The following INPP5A variants were observed in gnomAD, a reference collection of about 807,000 sequenced individuals.
INPP5A encodes 43 kDa inositol polyphosphate 5-phophatase.
In INPP5A, 14 loss-of-function variants were observed where a neutral mutation model predicts 65.2. The ratio of observed to expected loss-of-function variants is 0.21; its 90% CI spans 0.14 to 0.34. The LOEUF (loss-of-function observed/expected upper bound fraction) is 0.34. Among genes scored for constraint, INPP5A ranks in the 10% least tolerant of loss-of-function variants. The pLI, the probability that INPP5A is intolerant of heterozygous loss-of-function variation, is 1.00. For synonymous variants in INPP5A, 207 were observed against 208.3 expected (o/e 0.99, Z 0.05); for missense variants, 431 against 545.6 (o/e 0.79, Z 2.09).
intron 5 of INPP5A, among the ~76,000 whole-genome samples, chr10:132,695,058 C>T (rs1187508371): frequency 1.3e-5 from 2 of 152,050 alleles, no homozygotes; most frequent in African/African-American, 4.8e-5. Context: ...TACCCTAATA[C>T]TAAAACCAGA....
In INPP5A at chr10:132,546,226, C is replaced by T. The variant is rs1052693710; in HGVS notation, c.75+8055C>T. Among the ~76,000 whole-genome samples the T allele has an allele frequency of 2.0e-5, 3 of 152,232 alleles. No homozygotes were observed. The highest frequency in any genetic ancestry group is 6.5e-5 in the Admixed American group (1 of 15,290). The stretch of plus-strand genomic sequence containing the variant: ...GGGGCAGGTCTAGGGTGATGGCGCT[C>T]CCAGCCCGCGGGGGTCTTGGCGTTG... On this transcript the variant is annotated intron_variant, in intron 1 of 15. Transcript: ENST00000368594. This position sits in a 1 kb window ranked among gnomAD's most constrained non-coding sequence, Gnocchi z 5.7.
chr10:132,541,960 A>T (rs1040322966), intron 1 of INPP5A, among the ~76,000 whole-genome samples: 5 of 152,232 alleles, frequency 3.3e-5, no homozygotes, highest in Non-Finnish European at 5.9e-5. Context: ...GTTTGCTTGG[A>T]AAGAGGTGAC....
intron 11 of INPP5A, among the ~76,000 whole-genome samples, chr10:132,755,600 G>A (rs1386752220): frequency 4.0e-5 from 6 of 151,384 alleles, no homozygotes. Context: ...GCAGGCATAT[G>A]CATATGAGTG....
At chr10:132,759,341 G>A (rs770868237) in intron 11 of INPP5A, among the ~76,000 whole-genome samples, 4 of 151,580 alleles carry the variant, frequency 2.6e-5, no homozygotes, top group African/African-American at 4.8e-5. Context: ...GAGGAGGGTC[G>A]GGGATCTTAT....
At chr10:132,540,480 C>G (rs555059212) in intron 1 of INPP5A, among the ~76,000 whole-genome samples, 1 of 152,148 alleles carries the variant, frequency 6.6e-6, no homozygotes, top group African/African-American at 2.4e-5. Flanking sequence ...CTTATCTGTC[C>G]GTGTCTGAAG....
Position 132,712,371 on chromosome 10 carries a change from ATG to A in INPP5A, c.647+1922_647+1923del, listed in dbSNP as rs778539058. Among the ~76,000 whole-genome samples, 14 of 151,520 alleles carry A rather than the reference ATG, an allele frequency of 9.2e-5. No homozygotes were observed. In the South Asian group the frequency reaches 1.3e-3, roughly 14 times the overall value. ...TCTGCGTGTGTGTGTTCGTGTGTGC[ATG>A]TGTGTGGATGCTTGTGTGTGCATGT... is the stretch of plus-strand genomic sequence containing the variant. On this transcript the variant is annotated intron_variant, in intron 8 of 15. Coordinates refer to ENST00000368594, the MANE Select transcript of INPP5A (RefSeq NM_005539.5).
At chr10:132,699,862 C>T (rs916122993) in intron 6 of INPP5A, among the ~76,000 whole-genome samples, 3 of 152,286 alleles carry the variant, frequency 2.0e-5, no homozygotes, top group South Asian at 2.1e-4. Flanking sequence ...ACCCAGCAAG[C>T]GGGGAGCTGA....
At chr10:132,774,420 C>G (rs953650926) in intron 12 of INPP5A, among the ~76,000 whole-genome samples, 1 of 152,142 alleles carries the variant, frequency 6.6e-6, no homozygotes, top group Non-Finnish European at 1.5e-5. Context: ...ACCCTGACGC[C>G]CACCTGGAGA....
Position 132,555,963 on chromosome 10 carries a change from T to A in INPP5A, c.75+17792T>A, listed in dbSNP as rs1424292869. Among the ~76,000 whole-genome samples, 4 of 151,874 alleles carry A rather than the reference T, an allele frequency of 2.6e-5. No individual in the cohort carries two copies. The highest frequency in any genetic ancestry group is 5.9e-5 in the Non-Finnish European group (4 of 67,974). ...TTGGCTCAGCGCTTGGTGCTTTTGA[T>A]GGAGAAAATTCAGTTCCAGACTTGG... is the stretch of plus-strand genomic sequence containing the variant. On this transcript the variant is annotated intron_variant, in intron 1 of 15. Coordinates refer to ENST00000368594, the MANE Select transcript of INPP5A (RefSeq NM_005539.5). The surrounding 1 kb of genome is among the most constrained non-coding windows in gnomAD (Gnocchi z 4.4).
chr10:132,560,223 G>A (rs556365463), intron 1 of INPP5A, among the ~76,000 whole-genome samples: 67 of 152,084 alleles, frequency 4.4e-4, no homozygotes, highest in Middle Eastern at 6.8e-3. Flanking sequence ...CAGCTGTCTC[G>A]GGTGTAGACC....
intron 4 of INPP5A, among the ~76,000 whole-genome samples, chr10:132,661,162 T>C (rs887399123): frequency 2.0e-5 from 3 of 152,172 alleles, no homozygotes; most frequent in Non-Finnish European, 4.4e-5. Flanking sequence ...GTGATATGGT[T>C]TCAAAAACAC....
chr10:132,781,167 C>G (rs7084234), intron 14 of INPP5A, among the ~76,000 whole-genome samples: 141 of 152,274 alleles, frequency 9.3e-4, no homozygotes, highest in African/African-American at 3.3e-3. Flanking sequence ...GCAGAAATGA[C>G]GTTACAATAG....
intron 1 of INPP5A, among the ~76,000 whole-genome samples, chr10:132,601,934 C>A (rs1174219295): frequency 6.6e-6 from 1 of 152,142 alleles, no homozygotes; most frequent in Non-Finnish European, 1.5e-5. Context: ...TTTTTTAAGG[C>A]TATTTTTGGC....
chr10:132,751,134 A>G (rs143318356), intron 11 of INPP5A, among the ~76,000 whole-genome samples: 154 of 151,810 alleles, frequency 1.0e-3, no homozygotes, highest in African/African-American at 3.5e-3. Flanking sequence ...CGGCCCCCAG[A>G]CCCCACGCTC....
At chr10:132,686,010 C>T (rs540168101) in intron 4 of INPP5A, among the ~76,000 whole-genome samples, 5 of 152,342 alleles carry the variant, frequency 3.3e-5, no homozygotes, top group African/African-American at 1.2e-4. Flanking sequence ...ACGCAGGGTT[C>T]GTTGCGCCCT....
intron 8 of INPP5A, among the ~76,000 whole-genome samples, chr10:132,714,115 A>C (rs1207844980): frequency 6.6e-6 from 1 of 152,176 alleles, no homozygotes; most frequent in Non-Finnish European, 1.5e-5. Context: ...TTAGGTTGTC[A>C]GCATGGCATG....
At chr10:132,590,055 A>C (rs1172385696) in intron 1 of INPP5A, among the ~76,000 whole-genome samples, 1 of 152,250 alleles carries the variant, frequency 6.6e-6, no homozygotes, top group African/African-American at 2.4e-5. Flanking sequence ...CGGCTGGAAA[A>C]GGACACGGTC....
chr10:132,755,843 G>A (rs1241137186), intron 11 of INPP5A, among the ~76,000 whole-genome samples: 2 of 152,162 alleles, frequency 1.3e-5, no homozygotes, highest in Non-Finnish European at 2.9e-5. Flanking sequence ...CTTGGAGACT[G>A]AGGAAGACTG....
rs564572696 is a variant in INPP5A at position 132,564,612 on chromosome 10, CAA to C, written c.75+26442_75+26443del. Among the ~76,000 whole-genome samples, 5 of 152,310 alleles carry C rather than the reference CAA, an allele frequency of 3.3e-5. No homozygotes were observed. In the South Asian group the frequency reaches 1.0e-3, roughly 32 times the overall value. On this transcript the variant is annotated intron_variant, in intron 1 of 15. Coordinates refer to ENST00000368594, the MANE Select transcript of INPP5A (RefSeq NM_005539.5). ...GTTATTGGAGTAGAAGTTTATATAA[CAA>C]GAGTGTATTTTAACTGGATGAAAAT...
Sources: allele counts gnomAD v4.1 joint callset (sites outside exome capture counted in the v4.1 genomes callset), GRCh38; gene constraint gnomAD v4.1.1; non-coding constraint Gnocchi (gnomAD v3.1); transcripts MANE v1.5; gene names NCBI Gene and HGNC (gene_info 2026-07-23, HGNC 2026-07-21).